The following APPL2 variants were observed in gnomAD, a reference collection of about 807,000 sequenced individuals.
The protein encoded by APPL2 is adaptor protein, phosphotyrosine interacting with PH domain and leucine zipper 2.
A neutral mutation model predicts 92.7 loss-of-function variants in APPL2; 84 were observed. The ratio of observed to expected loss-of-function variants is 0.91; its 90% CI spans 0.76 to 1.09. The LOEUF is 1.09. Ranked by LOEUF, APPL2 falls within the 50% of genes least tolerant of loss-of-function variation. The pLI, the probability that APPL2 is intolerant of heterozygous loss-of-function variation, is 0.00. For synonymous variants in APPL2, 291 were observed against 291.0 expected (o/e 1.00, Z 0.00); for missense variants, 736 against 824.5 (o/e 0.89, Z 1.31).
intron 9 of APPL2, 60 bp from the exon 10 acceptor site, chr12:105,199,591 A>G: frequency 6.5e-7 from 1 of 1,536,060 alleles, no homozygotes; most frequent in Non-Finnish European, 8.8e-7. Context: ...ACTACTAAGA[A>G]GCCACTGGCA....
intron 4 of APPL2, among the ~76,000 whole-genome samples, chr12:105,215,135 A>G (rs1440642082): frequency 6.6e-6 from 1 of 152,214 alleles, no homozygotes. Flanking sequence ...ATCAAATCCC[A>G]GGGGGATGTT....
At chr12:105,205,901 G>A (rs959051522) in intron 8 of APPL2, among the ~76,000 whole-genome samples, 2 of 152,188 alleles carry the variant, frequency 1.3e-5, no homozygotes, top group Non-Finnish European at 2.9e-5. Flanking sequence ...GACTGATGCC[G>A]CCCACAGCTG....
intron 8 of APPL2, among the ~76,000 whole-genome samples, chr12:105,205,223 A>C (rs964348713): frequency 1.3e-5 from 2 of 152,244 alleles, no homozygotes; most frequent in African/African-American, 4.8e-5. Context: ...GCCAGGCAAC[A>C]AACTTGTCTG....
At chr12:105,199,096 A>C (rs1024640004) in intron 10 of APPL2, among the ~76,000 whole-genome samples, 10 of 152,210 alleles carry the variant, frequency 6.6e-5, no homozygotes, top group African/African-American at 2.4e-4. Flanking sequence ...GGACGGCAAC[A>C]GTTAAGAGTG....
chr12:105,212,716 C>T (rs2136028945), intron 4 of APPL2, among the ~76,000 whole-genome samples: 1 of 152,384 alleles, frequency 6.6e-6, no homozygotes, highest in East Asian at 1.9e-4. Flanking sequence ...TTGGATTCAA[C>T]ATGTGGCAAA....
At chr12:105,206,299 C>T (rs751238134) in intron 8 of APPL2, among the ~76,000 whole-genome samples, 2 of 152,190 alleles carry the variant, frequency 1.3e-5, no homozygotes, top group African/African-American at 2.4e-5. Flanking sequence ...TTTGCTTCCT[C>T]GCATCCCCTT....
chr12:105,178,082 C>T (rs758504780), intron 17 of APPL2, among the ~76,000 whole-genome samples: 12 of 152,142 alleles, frequency 7.9e-5, no homozygotes, highest in Non-Finnish European at 1.6e-4. Flanking sequence ...TGAACCACCG[C>T]GCCAGGCCTT....
At chr12:105,214,046 G>A (rs189103895) in intron 4 of APPL2, among the ~76,000 whole-genome samples, 7 of 152,230 alleles carry the variant, frequency 4.6e-5, no homozygotes, top group East Asian at 1.9e-4. Flanking sequence ...TTGGCCGGGC[G>A]TGGTGGTGCA....
At chr12:105,185,322 A>T (rs1179879188) in intron 17 of APPL2, among the ~76,000 whole-genome samples, 1 of 152,198 alleles carries the variant, frequency 6.6e-6, no homozygotes, top group African/African-American at 2.4e-5. Flanking sequence ...ATTCTCCTGC[A>T]GCTAGCTCAG....
At chr12:105,226,829 G>A (rs1349180832) in intron 2 of APPL2, among the ~76,000 whole-genome samples, 1 of 152,080 alleles carries the variant, frequency 6.6e-6, no homozygotes, top group Non-Finnish European at 1.5e-5. Flanking sequence ...AAAATCACAG[G>A]TGAACACATA....
At position 105,203,727 on chromosome 12, in the gene APPL2, G is replaced by T; in HGVS notation, c.680C>A (p.Ser227Tyr). The T allele has an allele frequency of 6.2e-7, 1 of 1,614,222 alleles. No homozygotes were observed. The highest frequency in any genetic ancestry group is 1.7e-5 in the Admixed American group (1 of 60,024). The change falls in exon 9 of 21, where the codon TCC becomes TAC. Residue 227 changes from serine to tyrosine, a missense_variant. Physicochemically the swap from Ser to Tyr is moderately radical, Grantham distance 144 (BLOSUM62 -2). Coordinates refer to ENST00000258530, the MANE Select transcript of APPL2 (RefSeq NM_018171.5). ...CCTTTGAACCATGTCTGCAACGGAG[G>T]ATAAAAAGCTGTCCATACGTTTGGA... The part of the protein sequence containing the change: ...MFSKRMDSFL[S>Y]SVADMVQSIQ...
chr12:105,207,523 A>T (rs931752315), intron 7 of APPL2, among the ~76,000 whole-genome samples: 3 of 152,262 alleles, frequency 2.0e-5, no homozygotes, highest in Non-Finnish European at 4.4e-5. Flanking sequence ...TAGTTCACTC[A>T]TAAGACTGTA....
chr12:105,220,104 C>T (rs142682692), intron 2 of APPL2, among the ~76,000 whole-genome samples: 236 of 152,328 alleles, frequency 1.5e-3, no homozygotes, highest in African/African-American at 5.1e-3. Context: ...CAAGGATACA[C>T]GGCTGATGAG....
chr12:105,176,212 C>T (rs764754360), intron 19 of APPL2, 130 bp from the exon 20 acceptor site: 1 of 763,844 alleles, frequency 1.3e-6, no homozygotes, highest in Non-Finnish European at 2.1e-6. Flanking sequence ...GACCTGGCTG[C>T]AGGAGACTCA....
intron 14 of APPL2, among the ~76,000 whole-genome samples, chr12:105,194,230 C>G (rs1010435332): frequency 1.2e-4 from 19 of 152,146 alleles, no homozygotes; most frequent in Admixed American, 9.8e-4. Context: ...AAATACAATC[C>G]TCTACTATTT....
At chr12:105,190,285 T>C in intron 14 of APPL2, 130 bp from the exon 15 acceptor site, 1 of 1,025,676 alleles carries the variant, frequency 9.7e-7, no homozygotes, top group Non-Finnish European at 1.4e-6. Context: ...CTTAATCCAT[T>C]CTACAAATAA....
chr12:105,207,507 A>C (rs960265091), intron 7 of APPL2, among the ~76,000 whole-genome samples: 1 of 152,240 alleles, frequency 6.6e-6, no homozygotes, highest in Admixed American at 6.5e-5. Flanking sequence ...AAGGCTGCAG[A>C]CATTCTAGTT....
Position 105,173,414 on chromosome 12 carries a change from T to C in APPL2, c.*900A>G, listed in dbSNP as rs139450420. The C allele has an allele frequency of 1.3e-3, 197 of 152,712 alleles. 1 individual carries two copies. The highest frequency in any genetic ancestry group is 4.0e-3 in the African/African-American group (167 of 41,560). 9.5% of individuals were successfully genotyped at this position (152,712 alleles called of 1,614,324 possible). ...ATTCAAAATCATTATACTAGTTTGA[T>C]AGGGAGGAGGGATGGGGGAGTGGGC... On this transcript the variant is annotated 3_prime_UTR_variant, in exon 21 of 21. Coordinates refer to ENST00000258530, the MANE Select transcript of APPL2 (RefSeq NM_018171.5).
intron 14 of APPL2, among the ~76,000 whole-genome samples, chr12:105,193,259 G>A (rs868260435): frequency 5.3e-5 from 8 of 152,262 alleles, no homozygotes; most frequent in Non-Finnish European, 7.4e-5. Flanking sequence ...TTTAGGAAAC[G>A]TATCACACCT....
Sources: allele counts gnomAD v4.1 joint callset (sites outside exome capture counted in the v4.1 genomes callset), GRCh38; gene constraint gnomAD v4.1.1; transcripts MANE v1.5; gene names NCBI Gene and HGNC (gene_info 2026-07-23, HGNC 2026-07-21).